The following CNTNAP2 variants were observed in gnomAD, a reference collection of about 807,000 sequenced individuals.
The protein encoded by CNTNAP2 is contactin-associated protein-like 2.
In CNTNAP2, 98 loss-of-function variants were observed where a neutral mutation model predicts 155.2. The observed-to-expected ratio is 0.63, with a 90% CI of 0.54 to 0.75. The LOEUF is 0.75. CNTNAP2 is among the 30% of genes least tolerant of loss of function. CNTNAP2 has a pLI of 0.00. For synonymous variants in CNTNAP2, 651 were observed against 631.2 expected, an observed-to-expected ratio of 1.03 and a Z score of -0.47; for missense variants, 1,727 against 1,688.1, an observed-to-expected ratio of 1.02 and a Z score of -0.40.
chr7:146,696,994 T>C (rs185745940), intron 1 of CNTNAP2, among the ~76,000 whole-genome samples: 70 of 152,292 alleles, frequency 4.6e-4, no homozygotes, highest in Middle Eastern at 6.8e-3. Context: ...TGTTGTCAGA[T>C]GGTGTAATTA....
chr7:147,458,264 A>AT (rs1175393911), intron 10 of CNTNAP2, among the ~76,000 whole-genome samples: 1 of 151,926 alleles, frequency 6.6e-6, no homozygotes, highest in African/African-American at 2.4e-5. Flanking sequence ...ATTTTATTCC[A>AT]TTTTTTGGTG....
intron 1 of CNTNAP2, among the ~76,000 whole-genome samples, chr7:146,326,050 T>C (rs939862625): frequency 6.6e-6 from 1 of 152,356 alleles, no homozygotes; most frequent in Admixed American, 6.5e-5. Flanking sequence ...TCTAAGTTAA[T>C]GATTCTATCT....
intron 16 of CNTNAP2, 55 bp downstream of exon 16, chr7:148,118,343 G>A: frequency 3.8e-6 from 6 of 1,589,088 alleles, no homozygotes; most frequent in Non-Finnish European, 5.2e-6. Context: ...ACCTCAGGGT[G>A]GTCCGGGTCC....
At chr7:148,079,908 T>C (rs1803563029) in intron 15 of CNTNAP2, among the ~76,000 whole-genome samples, 1 of 152,204 alleles carries the variant, frequency 6.6e-6, no homozygotes, top group Admixed American at 6.5e-5. Context: ...GGAATGCCCT[T>C]GGCTGAGAGG....
chr7:147,132,787 C>G (rs757917839), intron 8 of CNTNAP2, among the ~76,000 whole-genome samples: 1 of 152,010 alleles, frequency 6.6e-6, no homozygotes, highest in Admixed American at 6.6e-5. Context: ...AGATAAATTG[C>G]TCTTCTTTTA....
chr7:148,012,372 A>C (rs538116978), intron 15 of CNTNAP2, among the ~76,000 whole-genome samples: 1 of 152,324 alleles, frequency 6.6e-6, no homozygotes, highest in East Asian at 1.9e-4. Context: ...ACCAGGATAG[A>C]AAGTAGAATG....
chr7:147,510,599 A>G (rs1798997471), intron 11 of CNTNAP2, among the ~76,000 whole-genome samples: 1 of 151,830 alleles, frequency 6.6e-6, no homozygotes, highest in Non-Finnish European at 1.5e-5. Context: ...CAAAAAGTAA[A>G]AGTACAACCA....
At chr7:148,395,530 G>C (rs1799448950) in intron 22 of CNTNAP2, among the ~76,000 whole-genome samples, 1 of 151,898 alleles carries the variant, frequency 6.6e-6, no homozygotes, top group African/African-American at 2.4e-5. Context: ...ACATCACTGA[G>C]AGAATAGACT....
intron 1 of CNTNAP2, among the ~76,000 whole-genome samples, chr7:146,616,472 A>G (rs1799226324): frequency 6.6e-6 from 1 of 152,216 alleles, no homozygotes; most frequent in Non-Finnish European, 1.5e-5. Context: ...AACCGAAACC[A>G]TCTTCTAGGG....
At chr7:147,091,752 C>G (rs7802616) in intron 4 of CNTNAP2, among the ~76,000 whole-genome samples, 12,812 of 151,992 alleles carry the variant, frequency 0.084, 1,450 homozygotes, top group African/African-American at 0.26. Context: ...ACTACAGGTC[C>G]CCTCCATCAT....
chr7:148,405,161 C>T (rs957778728), intron 22 of CNTNAP2, among the ~76,000 whole-genome samples: 3 of 152,154 alleles, frequency 2.0e-5, no homozygotes, highest in African/African-American at 7.2e-5. Flanking sequence ...CTGTCCATAT[C>T]ACCTATACCT....
intron 1 of CNTNAP2, among the ~76,000 whole-genome samples, chr7:146,551,539 T>G (rs1798122411): frequency 6.6e-6 from 1 of 152,042 alleles, no homozygotes. Context: ...AGTCTATCAT[T>G]GTTGGACATT....
intron 12 of CNTNAP2, among the ~76,000 whole-genome samples, chr7:147,602,227 T>C (rs967962451): frequency 1.3e-5 from 2 of 152,112 alleles, no homozygotes; most frequent in Non-Finnish European, 2.9e-5. Context: ...TCCTGCATTT[T>C]TATAGGAATT....
chr7:148,191,906 G>A (rs1795206897), intron 18 of CNTNAP2, among the ~76,000 whole-genome samples: 3 of 152,218 alleles, frequency 2.0e-5, no homozygotes, highest in Admixed American at 2.0e-4. Context: ...TTAGTGATGA[G>A]TGTGCAGAAA....
At chr7:148,183,925 A>T (rs1172827196) in intron 18 of CNTNAP2, among the ~76,000 whole-genome samples, 1 of 152,222 alleles carries the variant, frequency 6.6e-6, no homozygotes, top group East Asian at 1.9e-4. Flanking sequence ...TGCCTTCTTT[A>T]ATTTCTAATA....
At chr7:147,247,193 T>A (rs1384874169) in intron 8 of CNTNAP2, among the ~76,000 whole-genome samples, 1 of 152,234 alleles carries the variant, frequency 6.6e-6, no homozygotes, top group Non-Finnish European at 1.5e-5. Flanking sequence ...TTCTTGTTAT[T>A]TGAATTTTAT....
intron 15 of CNTNAP2, among the ~76,000 whole-genome samples, chr7:148,103,324 T>A (rs941579247): frequency 6.7e-6 from 1 of 149,728 alleles, no homozygotes; most frequent in Non-Finnish European, 1.5e-5. Context: ...GGGGGTCTCC[T>A]TTCACATCAT....
intron 1 of CNTNAP2, among the ~76,000 whole-genome samples, chr7:146,268,952 A>G (rs1347053931): frequency 6.6e-6 from 1 of 152,234 alleles, no homozygotes; most frequent in Non-Finnish European, 1.5e-5. Flanking sequence ...AGTGAAAAGC[A>G]TAATTTAAAA....
intron 13 of CNTNAP2, among the ~76,000 whole-genome samples, chr7:147,726,772 C>A (rs966485785): frequency 6.6e-6 from 1 of 151,872 alleles, no homozygotes; most frequent in Non-Finnish European, 1.5e-5. Flanking sequence ...GGATTAGAGA[C>A]AAGTTCTATT....
Sources: gnomAD v4.1 joint callset for allele counts (sites outside exome capture counted in the v4.1 genomes callset) on GRCh38, gnomAD v4.1.1 for gene constraint, MANE v1.5 for transcripts, NCBI Gene and HGNC (gene_info 2026-07-23, HGNC 2026-07-21) for gene names.